Variants in SNX29 observed in about 807,000 individuals in gnomAD.
The protein encoded by SNX29 is sorting nexin-29.
Under a neutral mutation model 102.1 loss-of-function variants are expected in SNX29, and 78 were observed. That is an observed-to-expected ratio of 0.76 (90% CI 0.64 to 0.92). SNX29 has a LOEUF of 0.92. Among genes scored for constraint, SNX29 ranks in the 40% least tolerant of loss-of-function variants. The pLI, the probability that SNX29 is intolerant of heterozygous loss-of-function variation, is 0.00. For missense variants in SNX29, 1,280 were observed against 1,061.7 expected, an observed-to-expected ratio of 1.21 and a Z score of -2.86; for synonymous variants, 580 against 414.5, an observed-to-expected ratio of 1.40 and a Z score of -4.85.
chr16:12,561,242 A>C (rs1598061345), intron 20 of SNX29: 3 of 229,854 alleles, frequency 1.3e-5, no homozygotes, highest in African/African-American at 4.4e-5. Flanking sequence ...GAGCAAGGCC[A>C]CTCCCTCCCA....
rs545641841 is a variant in SNX29 at position 12,252,927 on chromosome 16, C to T, written c.1679-25006C>T. Among the ~76,000 whole-genome samples the T allele has an allele frequency of 9.2e-5, 14 of 152,340 alleles. No homozygotes were observed. In the East Asian group the frequency reaches 1.2e-3, roughly 13 times the overall value. On this transcript the variant is annotated intron_variant, in intron 14 of 20. Coordinates refer to ENST00000566228, the MANE Select transcript of SNX29 (RefSeq NM_032167.5). ...AGCTTAACAAATTCCACTCCTTCAT[C>T]GCAAGCCATCTTTTTTTGTGACCTG...
chr16:12,458,042 T>A (rs2086614728), intron 18 of SNX29, among the ~76,000 whole-genome samples: 1 of 152,194 alleles, frequency 6.6e-6, no homozygotes, highest in Non-Finnish European at 1.5e-5. Flanking sequence ...CTAAATTGGA[T>A]GCTTTTCAAA....
At chr16:12,155,089 G>A (rs1344500097) in intron 13 of SNX29, among the ~76,000 whole-genome samples, 1 of 152,102 alleles carries the variant, frequency 6.6e-6, no homozygotes, top group African/African-American at 2.4e-5. Flanking sequence ...GGCTGCCTCT[G>A]CTGGATGCCT....
Position 12,106,076 on chromosome 16 carries a change from T to C in SNX29, c.1403-20557T>C, listed in dbSNP as rs140953593. The stretch of plus-strand genomic sequence containing the variant: ...AGTAACGCGAGGGAGGAGGGAGAGA[T>C]GCTGAAGCAAGATTGTCACAGCTTA... On this transcript the variant is annotated intron_variant, in intron 11 of 20. Transcript: ENST00000566228. 1.6e-4 allele frequency among the ~76,000 whole-genome samples: 24 copies of C among 152,246 alleles called. 2 individuals are homozygous for C. In the East Asian group the frequency reaches 4.6e-3, roughly 29 times the overall value.
intron 16 of SNX29, among the ~76,000 whole-genome samples, chr16:12,387,379 C>T (rs2083376881): frequency 6.6e-6 from 1 of 152,154 alleles, no homozygotes; most frequent in South Asian, 2.1e-4. Flanking sequence ...AGCACTCGAG[C>T]CTTGGGAGAG....
At chr16:12,499,241 G>A (rs1019175051) in intron 19 of SNX29, among the ~76,000 whole-genome samples, 1 of 152,202 alleles carries the variant, frequency 6.6e-6, no homozygotes, top group African/African-American at 2.4e-5. Context: ...TGGCAGGCAG[G>A]TCATGCATTT....
chr16:12,052,334 A>G, intron 8 of SNX29, 112 bp downstream of exon 8: 1 of 1,234,378 alleles, frequency 8.1e-7, no homozygotes, highest in Non-Finnish European at 1.1e-6. Context: ...CTCCTGCCTC[A>G]GCCTCCCGAG....
intron 18 of SNX29, among the ~76,000 whole-genome samples, chr16:12,440,346 C>T (rs758520247): frequency 6.6e-6 from 1 of 152,200 alleles, no homozygotes; most frequent in African/African-American, 2.4e-5. Flanking sequence ...TTTCATCACC[C>T]TGGAGAAACT....
At chr16:12,301,698 C>G (rs1259749561) in intron 15 of SNX29, among the ~76,000 whole-genome samples, 3 of 152,224 alleles carry the variant, frequency 2.0e-5, no homozygotes, top group Non-Finnish European at 2.9e-5. Flanking sequence ...TACCTTGCTT[C>G]CCTTTGAATC....
chr16:12,332,795 C>T (rs781706333), intron 15 of SNX29, among the ~76,000 whole-genome samples: 1 of 152,132 alleles, frequency 6.6e-6, no homozygotes, highest in Non-Finnish European at 1.5e-5. Flanking sequence ...CCTCGTCAGT[C>T]CTCACGGTCC....
intron 18 of SNX29, among the ~76,000 whole-genome samples, chr16:12,424,354 C>T (rs1388298639): frequency 1.3e-5 from 2 of 152,136 alleles, no homozygotes; most frequent in Non-Finnish European, 2.9e-5. Context: ...TGTTTCTTTT[C>T]TCTTCCACTG....
At chr16:11,993,984 G>C (rs534590016) in intron 1 of SNX29, among the ~76,000 whole-genome samples, 6 of 152,316 alleles carry the variant, frequency 3.9e-5, no homozygotes, top group African/African-American at 1.2e-4. Context: ...AGCTGGGCAT[G>C]GTAGCAGGAG....
chr16:12,133,243 A>G (rs1367250479), intron 13 of SNX29, among the ~76,000 whole-genome samples: 1 of 145,288 alleles, frequency 6.9e-6, no homozygotes, highest in Non-Finnish European at 1.5e-5. Context: ...ACCTTGGATG[A>G]ATTACTTAAC....
intron 10 of SNX29, among the ~76,000 whole-genome samples, chr16:12,074,917 A>G (rs1178697204): frequency 1.3e-5 from 2 of 151,846 alleles, no homozygotes; most frequent in Non-Finnish European, 2.9e-5. Context: ...CATTCATTTC[A>G]TCTTCCATCA....
At chr16:12,506,825 C>T (rs1219966387) in intron 19 of SNX29, among the ~76,000 whole-genome samples, 1 of 140,878 alleles carries the variant, frequency 7.1e-6, no homozygotes, top group Non-Finnish European at 1.6e-5. Context: ...TCCCTCCCAA[C>T]CCACCCACCA....
chr16:12,196,629 T>TG (rs2076781947), intron 13 of SNX29, among the ~76,000 whole-genome samples: 1 of 148,232 alleles, frequency 6.7e-6, no homozygotes, highest in East Asian at 2.0e-4. Context: ...TTTCTTTTTT[T>TG]TTTTTTTTTG....
rs1050050034 is a variant in SNX29, at chr16:12,495,779, C to T, written c.2178+17920C>T. ...GACAGAATGTCTGCAGCTGGTTGGGCGTGGTGGCTCACGCCTGTAATCCCA... is the reference window on the plus strand; with the variant it reads ...GACAGAATGTCTGCAGCTGGTTGGGTGTGGTGGCTCACGCCTGTAATCCCA... On this transcript the variant is annotated intron_variant, in intron 19 of 20. Transcript: ENST00000566228. Among the ~76,000 whole-genome samples, 8 of 151,990 alleles carry T rather than the reference C, an allele frequency of 5.3e-5. No individual in the cohort carries two copies. In the South Asian group the frequency reaches 8.3e-4, roughly 16 times the overall value.
chr16:12,121,869 G>A (rs1294774361), intron 11 of SNX29, among the ~76,000 whole-genome samples: 2 of 152,158 alleles, frequency 1.3e-5, no homozygotes, highest in African/African-American at 4.8e-5. Context: ...CGCGATCTTG[G>A]CTCACTGCAA....
At chr16:12,138,930 C>T (rs778165760) in intron 13 of SNX29, among the ~76,000 whole-genome samples, 38 of 151,960 alleles carry the variant, frequency 2.5e-4, no homozygotes, top group African/African-American at 7.7e-4. Flanking sequence ...TGGTCAGGCA[C>T]GGTGGCTCAC....
Sources: gnomAD v4.1 joint callset for allele counts (sites outside exome capture counted in the v4.1 genomes callset) on GRCh38, gnomAD v4.1.1 for gene constraint, MANE v1.5 for transcripts, NCBI Gene and HGNC (gene_info 2026-07-23, HGNC 2026-07-21) for gene names.